USP5: variants seen among roughly 807,000 people sequenced by gnomAD.
The protein encoded by USP5 is ubiquitin specific peptidase 5.
USP5 carries 24 observed loss-of-function variants against 102.5 expected under a neutral mutation model. That is an observed-to-expected ratio of 0.23 (90% CI 0.17 to 0.33). USP5 has a LOEUF of 0.33. Among genes scored for constraint, USP5 ranks in the 10% least tolerant of loss-of-function variants. The pLI is 1.00. For synonymous variants in USP5, 460 were observed against 434.8 expected, an observed-to-expected ratio of 1.06 and a Z score of -0.72; for missense variants, 753 against 1,122.1, an observed-to-expected ratio of 0.67 and a Z score of 4.70.
chr12:6,863,702 A>G lies in USP5; in HGVS notation c.1955-128A>G, dbSNP rs768844435. The G allele has an allele frequency of 4.5e-6, 6 of 1,341,606 alleles. No homozygotes were observed. Among genetic ancestry groups the G allele is most frequent in the African/African-American group, 1.5e-5 (1 of 68,048 alleles). The allele number at this position is 1,341,606 out of a possible 1,614,324, so 83.1% of individuals were successfully genotyped here. ...TGTGTGGTCATTTTGGTTTTGGGAT[A>G]AGGTGCCAATCCATGGGAGAAAAAT... On this transcript the variant is annotated intron_variant, in intron 15 of 19. Coordinates refer to ENST00000229268, the MANE Select transcript of USP5 (RefSeq NM_001098536.2). The surrounding 1 kb of genome is among the most constrained non-coding windows in gnomAD (Gnocchi z 4.7).
At chr12:6,852,994 G>A (rs1943984742) in intron 1 of USP5, among the ~76,000 whole-genome samples, 4 of 150,906 alleles carry the variant, frequency 2.7e-5, no homozygotes, top group Admixed American at 2.6e-4. Flanking sequence ...CTTTCTCGGA[G>A]GATGCTAAGG....
chr12:6,863,701 T>G lies in USP5; in HGVS notation c.1955-129T>G. On this transcript the variant is annotated intron_variant, in intron 15 of 19. Coordinates refer to ENST00000229268, the MANE Select transcript of USP5 (RefSeq NM_001098536.2). The surrounding 1 kb of genome is among the most constrained non-coding windows in gnomAD (Gnocchi z 4.7). ...TTGTGTGGTCATTTTGGTTTTGGGA[T>G]AAGGTGCCAATCCATGGGAGAAAAA... 1 of 1,338,104 alleles carries G rather than the reference T, an allele frequency of 7.5e-7. No individual in the cohort carries two copies. The highest frequency in any genetic ancestry group is 1.0e-6 in the Non-Finnish European group (1 of 995,400). 82.9% of individuals were successfully genotyped at this position (1,338,104 alleles called of 1,614,324 possible). A position where few individuals can be genotyped will look rare whatever the true frequency, so the allele number is the denominator to read the frequency against.
At position 6,856,459 on chromosome 12, in the gene USP5, T is replaced by C; in HGVS notation, c.584+9T>C. 1 of 1,600,956 alleles carries C rather than the reference T, an allele frequency of 6.2e-7. No individual in the cohort carries two copies. Among genetic ancestry groups the C allele is most frequent in the Non-Finnish European group, 8.5e-7 (1 of 1,172,978 alleles). ...GCTCGAATCCCTCCCTGGTGAGGCC[T>C]GGCCCCTCTGCCTCGGGCACCACCC... On this transcript the variant is annotated intron_variant, in intron 5 of 19. Coordinates refer to ENST00000229268, the MANE Select transcript of USP5 (RefSeq NM_001098536.2). The surrounding 1 kb of genome is among the most constrained non-coding windows in gnomAD (Gnocchi z 5.6).
intron 7 of USP5, 127 bp downstream of exon 7, chr12:6,857,850 C>A: frequency 1.2e-6 from 1 of 823,124 alleles, no homozygotes; most frequent in Non-Finnish European, 1.9e-6. Flanking sequence ...GATACACAGG[C>A]TTCTTTTAAA....
chr12:6,866,363 T>G lies in USP5; in HGVS notation c.*286T>G, dbSNP rs1555130960. 7.3e-6 allele frequency: 3 copies of G among 411,452 alleles called. No homozygotes were observed. Among genetic ancestry groups the G allele is most frequent in the Non-Finnish European group, 1.4e-5 (3 of 221,276 alleles). The allele number at this position is 411,452 out of a possible 1,614,324, so 25.5% of individuals were successfully genotyped here. ...GAATCCACAGTGCTCTGCTTCTCTG[T>G]GTCGCCCCGCCCAGCCCCCTGGTGT... On this transcript the variant is annotated 3_prime_UTR_variant, in exon 20 of 20. Coordinates refer to ENST00000229268, the MANE Select transcript of USP5 (RefSeq NM_001098536.2). The surrounding 1 kb of genome is among the most constrained non-coding windows in gnomAD (Gnocchi z 4.7).
At position 6,863,354 on chromosome 12, in the gene USP5, C is replaced by T; in HGVS notation, c.1931C>T (p.Ser644Phe). 1.9e-6 allele frequency: 3 copies of T among 1,613,774 alleles called. No individual in the cohort carries two copies. Among genetic ancestry groups the T allele is most frequent in the Non-Finnish European group, 2.5e-6 (3 of 1,179,708 alleles). The change falls in exon 15 of 20, where the codon TCC becomes TTC. Residue 644 changes from serine (S) to phenylalanine (F), a missense_variant. Around this residue, in one of 3 missense-constraint regions of USP5, gnomAD observed 193 missense variants for 230.2 expected, o/e 0.84. Transcript: ENST00000229268. The surrounding 1 kb of genome is among the most constrained non-coding windows in gnomAD (Gnocchi z 4.7). ...AACGAAGACGAAGACTCCTTCTGCT[C>T]CCCTCACTTCTCCTCTCCGACATGT... ...YGNEDEDSFC[S>F]PHFSSPTSPM... is the part of the protein sequence containing the mutation.
chr12:6,855,673 C>A lies in USP5; in HGVS notation c.238-82C>A. ...AGCTTTATTCCGTTCTGAGATGAAG[C>A]ACTACCTCCTTCCGTCCCTCCTCCC... On this transcript the variant is annotated intron_variant, in intron 2 of 19. Coordinates refer to ENST00000229268, the MANE Select transcript of USP5 (RefSeq NM_001098536.2). The surrounding 1 kb of genome is among the most constrained non-coding windows in gnomAD (Gnocchi z 4.6). 6.3e-7 allele frequency: 1 copy of A among 1,599,352 alleles called. No individual in the cohort carries two copies. Among genetic ancestry groups the A allele is most frequent in the Non-Finnish European group, 8.6e-7 (1 of 1,169,562 alleles).
At chr12:6,854,967 T>C (rs1399346147) in intron 1 of USP5, among the ~76,000 whole-genome samples, 2 of 152,088 alleles carry the variant, frequency 1.3e-5, no homozygotes, top group African/African-American at 4.8e-5. Flanking sequence ...AGGGACCCTT[T>C]TTCCCTTTGA....
intron 9 of USP5, among the ~76,000 whole-genome samples, chr12:6,859,801 T>C (rs1944224369): frequency 6.6e-6 from 1 of 152,174 alleles, no homozygotes; most frequent in African/African-American, 2.4e-5. Context: ...TACAGGCACA[T>C]GCCACCACGC....
Position 6,861,393 on chromosome 12 carries a change from G to T in USP5, c.1499-50G>T, listed in dbSNP as rs782165647. On this transcript the variant is annotated intron_variant, in intron 12 of 19. Coordinates refer to ENST00000229268, the MANE Select transcript of USP5 (RefSeq NM_001098536.2). The surrounding 1 kb of genome is among the most constrained non-coding windows in gnomAD (Gnocchi z 4.9). ...GAGCCAGTAGGGAGAGGCTAAGGAG[G>T]CAAAGAAGCAGCACCCTCCGAAGGA... 1 of 1,519,378 alleles carries T rather than the reference G, an allele frequency of 6.6e-7. No homozygotes were observed. Among genetic ancestry groups the T allele is most frequent in the Non-Finnish European group, 8.9e-7 (1 of 1,129,272 alleles). The allele number at this position is 1,519,378 out of a possible 1,614,324, so 94.1% of individuals were successfully genotyped here. A position where few individuals can be genotyped will look rare whatever the true frequency, so the allele number is the denominator to read the frequency against.
rs371333696 is a variant in USP5, at chr12:6,859,456, C to T, written c.1059-14C>T. 5 of 1,613,940 alleles carry T rather than the reference C, an allele frequency of 3.1e-6. No individual in the cohort carries two copies. The highest frequency in any genetic ancestry group is 3.3e-5 in the Admixed American group (2 of 60,000). Reference sequence around the variant, plus strand: ...GGCCAGAGCCCCTCCAACTGTCCTTCCCTTGACTTTTAGGTATGTGGATAA... The same window carrying T: ...GGCCAGAGCCCCTCCAACTGTCCTTTCCTTGACTTTTAGGTATGTGGATAA... On this transcript the variant is annotated splice_polypyrimidine_tract_variant and intron_variant, in intron 8 of 19. Transcript: ENST00000229268.
rs369704794 is a variant in USP5 at position 6,852,257 on chromosome 12, C to G, written c.78C>G (p.His26Gln). 1 of 1,612,598 alleles carries G rather than the reference C, an allele frequency of 6.2e-7. No homozygotes were observed. Among genetic ancestry groups the G allele is most frequent in the African/African-American group, 1.3e-5 (1 of 74,942 alleles). Residue 26 changes from histidine to glutamine, a missense_variant, in exon 1 of 20, where the codon CAC becomes CAG. Physicochemically the swap from His to Gln is conservative, Grantham distance 24. Coordinates refer to ENST00000229268, the MANE Select transcript of USP5 (RefSeq NM_001098536.2). The part of the protein sequence containing the change: ...IRVPKAGDRV[H>Q]KDECAFSFDT... ...TCCCTAAGGCTGGAGACCGGGTCCA[C>G]AAAGACGAGTGCGCCTTCTCCTTCG...
rs1438495363 is a variant in USP5, at chr12:6,855,130, G to A, written c.112-271G>A. Among the ~76,000 whole-genome samples the A allele has an allele frequency of 2.0e-5, 3 of 152,170 alleles. No individual in the cohort carries two copies. The highest frequency in any genetic ancestry group is 7.2e-5 in the African/African-American group (3 of 41,450). On this transcript the variant is annotated intron_variant, in intron 1 of 19. Transcript: ENST00000229268. The surrounding 1 kb of genome is among the most constrained non-coding windows in gnomAD (Gnocchi z 4.6). ...GCAGGTGGAAAGATAAATGGTGACT[G>A]GTGTTGCTGTTGAATGGCGACGATG...
rs781846235 is a variant in USP5, at chr12:6,863,042, T to C, written c.1763-144T>C. The C allele has an allele frequency of 3.7e-4, 279 of 745,554 alleles. 1 individual carries two copies. The African/African-American group carries it at 4.4e-3, about 12-fold the overall frequency. The allele number at this position is 745,554 out of a possible 1,614,324, so 46.2% of individuals were successfully genotyped here. On this transcript the variant is annotated intron_variant, in intron 14 of 19. Coordinates refer to ENST00000229268, the MANE Select transcript of USP5 (RefSeq NM_001098536.2). This position sits in a 1 kb window ranked among gnomAD's most constrained non-coding sequence, Gnocchi z 4.7. ...CCCAGGCTTAGTATTATTTGTCTTA[T>C]ACTGGGACCCCTAAGATGGGTGCCG... is the stretch of plus-strand genomic sequence containing the variant.
At chr12:6,852,413 C>T (rs1555127098) in intron 1 of USP5, 123 bp downstream of exon 1, 1 of 982,196 alleles carries the variant, frequency 1.0e-6, no homozygotes, top group African/African-American at 1.6e-5. Context: ...TTGTAGTCTC[C>T]CACGCTCCAC....
rs781918867 is a variant in USP5, at chr12:6,863,508, C to A, written c.1954+131C>A. The A allele has an allele frequency of 2.5e-6, 3 of 1,180,936 alleles. No individual in the cohort carries two copies. The highest frequency in any genetic ancestry group is 3.6e-6 in the Non-Finnish European group (3 of 839,440). The allele number at this position is 1,180,936 out of a possible 1,614,324, so 73.2% of individuals were successfully genotyped here. ...AATTTCCTCTGCCCTCTTTGATTGA[C>A]ATGGGGCCTCCCCAGCGCACTCCTA... is the stretch of plus-strand genomic sequence containing the variant. On this transcript the variant is annotated intron_variant, in intron 15 of 19. Transcript: ENST00000229268. This position sits in a 1 kb window ranked among gnomAD's most constrained non-coding sequence, Gnocchi z 4.7.
rs1449397193 is a variant in USP5 at position 6,857,675 on chromosome 12, G to T, written c.816G>T (p.Leu272=). The part of the protein sequence containing the change: ...DEDDMVLDPS[L]AEHLSHFGID... ...ATGACATGGTCCTGGACCCCAGCCT[G>T]GCTGAGCACCTGTCCCACTTCGGCA... Residue 272 remains leucine, a synonymous_variant, in exon 7 of 20, where the codon CTG becomes CTT. Coordinates refer to ENST00000229268, the MANE Select transcript of USP5 (RefSeq NM_001098536.2). 2.5e-6 allele frequency: 4 copies of T among 1,613,998 alleles called. No homozygotes were observed. The East Asian group carries it at 8.9e-5, about 36-fold the overall frequency.
At position 6,863,744 on chromosome 12, in the gene USP5, T is replaced by G; in HGVS notation, c.1955-86T>G. The G allele has an allele frequency of 6.7e-7, 1 of 1,482,910 alleles. No individual in the cohort carries two copies. The highest frequency in any genetic ancestry group is 9.0e-7 in the Non-Finnish European group (1 of 1,115,422). The allele number at this position is 1,482,910 out of a possible 1,614,324, so 91.9% of individuals were successfully genotyped here. ...GAGAAAAATGCATGGAATGGGTGATTGGAAGAGGGCTGGGTCCTGGGGGAG... is the reference window on the plus strand; with the variant it reads ...GAGAAAAATGCATGGAATGGGTGATGGGAAGAGGGCTGGGTCCTGGGGGAG... On this transcript the variant is annotated intron_variant, in intron 15 of 19. Coordinates refer to ENST00000229268, the MANE Select transcript of USP5 (RefSeq NM_001098536.2). This position sits in a 1 kb window ranked among gnomAD's most constrained non-coding sequence, Gnocchi z 4.7.
chr12:6,856,851 G>A lies in USP5; in HGVS notation c.729G>A (p.Pro243=), dbSNP rs367936917. The A allele has an allele frequency of 2.6e-5, 42 of 1,614,016 alleles. No individual in the cohort carries two copies. Among genetic ancestry groups the A allele is most frequent in the African/African-American group, 4.0e-5 (3 of 74,916 alleles). Residue 243 remains proline, a synonymous_variant, in exon 6 of 20, where the codon CCG becomes CCA. Coordinates refer to ENST00000229268, the MANE Select transcript of USP5 (RefSeq NM_001098536.2). This position sits in a 1 kb window ranked among gnomAD's most constrained non-coding sequence, Gnocchi z 5.6. ...AVEHYRETGY[P]LAVKLGTITP... is the part of the protein sequence containing the mutation. ...AGCACTACCGAGAGACAGGCTACCCGTTAGCTGTCAAGCTGGGCACCATCA... is the reference window on the plus strand; with the variant it reads ...AGCACTACCGAGAGACAGGCTACCCATTAGCTGTCAAGCTGGGCACCATCA...
Sources: allele counts gnomAD v4.1 joint callset (sites outside exome capture counted in the v4.1 genomes callset), GRCh38; gene constraint gnomAD v4.1.1; regional missense constraint gnomAD v4.1.1; non-coding constraint Gnocchi (gnomAD v3.1); transcripts MANE v1.5; gene names NCBI Gene and HGNC (gene_info 2026-07-23, HGNC 2026-07-21).